GUCY1A2: variants seen among roughly 807,000 people sequenced by gnomAD.
GUCY1A2 encodes guanylate cyclase soluble subunit alpha-2.
GUCY1A2 carries 27 observed loss-of-function variants against 63.5 expected under a neutral mutation model. The observed-to-expected ratio is 0.43, with a 90% CI of 0.31 to 0.59. The LOEUF (loss-of-function observed/expected upper bound fraction) is 0.59. GUCY1A2 is among the 20% of genes least tolerant of loss of function. The pLI is 0.11. For synonymous variants in GUCY1A2, 364 were observed against 343.5 expected, an observed-to-expected ratio of 1.06 and a Z score of -0.66; for missense variants, 768 against 913.3, an observed-to-expected ratio of 0.84 and a Z score of 2.05.
At chr11:106,889,224 CAGA>C (rs997305359) in intron 4 of GUCY1A2, among the ~76,000 whole-genome samples, 3 of 152,170 alleles carry the variant, frequency 2.0e-5, no homozygotes, top group African/African-American at 4.8e-5. Context: ...TATACATTCT[CAGA>C]AGTTTAGACA....
chr11:106,882,324 C>T (rs1859835482), intron 4 of GUCY1A2, among the ~76,000 whole-genome samples: 1 of 151,912 alleles, frequency 6.6e-6, no homozygotes, highest in South Asian at 2.1e-4. Context: ...TTACATTATG[C>T]AAAATGGAAT....
chr11:106,860,178 A>G (rs1477906467), intron 4 of GUCY1A2, among the ~76,000 whole-genome samples: 1 of 152,000 alleles, frequency 6.6e-6, no homozygotes, highest in Non-Finnish European at 1.5e-5. Context: ...ATATTGGGTT[A>G]AAAAGAGCTA....
At chr11:106,824,524 T>C (rs1858941718) in intron 4 of GUCY1A2, among the ~76,000 whole-genome samples, 1 of 151,962 alleles carries the variant, frequency 6.6e-6, no homozygotes, top group Non-Finnish European at 1.5e-5. Context: ...GAAACCACTG[T>C]TTTAAACCAA....
At chr11:106,836,114 T>C (rs1859113657) in intron 4 of GUCY1A2, among the ~76,000 whole-genome samples, 1 of 151,854 alleles carries the variant, frequency 6.6e-6, no homozygotes, top group African/African-American at 2.4e-5. Context: ...AGTAAATTAT[T>C]AAGAATGAAA....
At chr11:106,934,736 G>A (rs1410248556) in intron 4 of GUCY1A2, among the ~76,000 whole-genome samples, 1 of 152,166 alleles carries the variant, frequency 6.6e-6, no homozygotes, top group African/African-American at 2.4e-5. Flanking sequence ...GAGAACAAAA[G>A]TGAAGATGAA....
intron 4 of GUCY1A2, among the ~76,000 whole-genome samples, chr11:106,855,161 C>T (rs1859411680): frequency 6.6e-6 from 1 of 152,024 alleles, no homozygotes; most frequent in Non-Finnish European, 1.5e-5. Context: ...TGTGAGTTCC[C>T]TCTCTGCAAC....
chr11:106,920,856 A>T (rs1210265452), intron 4 of GUCY1A2, among the ~76,000 whole-genome samples: 2 of 152,108 alleles, frequency 1.3e-5, no homozygotes, highest in Non-Finnish European at 2.9e-5. Flanking sequence ...AACTGTCCTT[A>T]TAATAATTAC....
chr11:106,945,387 AAAAC>A (rs1452543956), intron 3 of GUCY1A2, among the ~76,000 whole-genome samples: 1 of 28,826 alleles, frequency 3.5e-5, no homozygotes, highest in Non-Finnish European at 6.4e-5. Context: ...AAAAAAAACA[AAAAC>A]AAAAAAAACA....
chr11:106,706,629 A>C, intron 7 of GUCY1A2, among the ~76,000 whole-genome samples: 1 of 149,748 alleles, frequency 6.7e-6, no homozygotes, highest in Non-Finnish European at 1.5e-5. Context: ...AACTCCTCAC[A>C]CAGGTTGGGC....
Position 106,687,760 on chromosome 11 carries a change from AG to A in GUCY1A2, c.1992-5del. 1.3e-6 allele frequency: 2 copies of A among 1,589,786 alleles called. No individual in the cohort carries two copies. Among genetic ancestry groups the A allele is most frequent in the Non-Finnish European group, 1.7e-6 (2 of 1,157,932 alleles). On this transcript the variant is annotated splice_polypyrimidine_tract_variant and splice_region_variant and intron_variant, in intron 7 of 7. Transcript: ENST00000526355. ...ACTTTCTTCTCGTTTTAATAATCTA[AG>A]AAGAAAATACAGAGCACATGAATCA...
At chr11:106,841,177 C>G (rs892690780) in intron 4 of GUCY1A2, among the ~76,000 whole-genome samples, 17 of 151,724 alleles carry the variant, frequency 1.1e-4, no homozygotes, top group East Asian at 1.9e-4. Flanking sequence ...TCTACTAGTA[C>G]GCCCCTGCAA....
intron 4 of GUCY1A2, among the ~76,000 whole-genome samples, chr11:106,885,597 T>C (rs1352730125): frequency 2.0e-5 from 3 of 152,182 alleles, no homozygotes; most frequent in African/African-American, 7.2e-5. Context: ...AACCCTAAAG[T>C]AGGGGTCAGT....
At chr11:106,693,053 A>G (rs946237183) in intron 7 of GUCY1A2, among the ~76,000 whole-genome samples, 1 of 152,224 alleles carries the variant, frequency 6.6e-6, no homozygotes, top group South Asian at 2.1e-4. Context: ...TAAGAGAGTG[A>G]CATTCTCAGA....
At chr11:106,878,164 T>TTATGAAGAA (rs1591311399) in intron 4 of GUCY1A2, among the ~76,000 whole-genome samples, 1 of 152,060 alleles carries the variant, frequency 6.6e-6, no homozygotes, top group East Asian at 1.9e-4. Flanking sequence ...ATAAAAGCAC[T>TTATGAAGAA]TATACACTGT....
intron 4 of GUCY1A2, among the ~76,000 whole-genome samples, chr11:106,867,297 G>T (rs141474484): frequency 6.6e-6 from 1 of 152,048 alleles, no homozygotes; most frequent in African/African-American, 2.4e-5. Flanking sequence ...TCAGCCTGCT[G>T]TCACAATCTC....
At chr11:106,947,172 G>A (rs1298760261) in intron 3 of GUCY1A2, among the ~76,000 whole-genome samples, 1 of 149,592 alleles carries the variant, frequency 6.7e-6, no homozygotes, top group Non-Finnish European at 1.5e-5. Flanking sequence ...AGCCAAGATC[G>A]CACCATTGCA....
At chr11:107,002,064 T>C (rs1231738237) in intron 1 of GUCY1A2, among the ~76,000 whole-genome samples, 2 of 151,538 alleles carry the variant, frequency 1.3e-5, no homozygotes, top group South Asian at 2.1e-4. Context: ...GCCAGGCATA[T>C]TGTAGTCATA....
intron 5 of GUCY1A2, among the ~76,000 whole-genome samples, chr11:106,800,517 A>T (rs142890633): frequency 0.032 from 4,839 of 152,296 alleles, 256 homozygotes; most frequent in African/African-American, 0.11. Flanking sequence ...GACTGGATTA[A>T]GAAAATGTGA....
rs142254338 is a variant in GUCY1A2 at position 106,907,917 on chromosome 11, C to G, written c.1206+31543G>C. Among the ~76,000 whole-genome samples, 527 of 152,130 alleles carry G rather than the reference C, an allele frequency of 3.5e-3. 5 individuals carry two copies. The highest frequency in any genetic ancestry group is 0.012 in the African/African-American group (491 of 41,500). On this transcript the variant is annotated intron_variant, in intron 4 of 7. Coordinates refer to ENST00000526355, the MANE Select transcript of GUCY1A2 (RefSeq NM_000855.3). ...TTATCTTTATGCATGTAAGTTTATC[C>G]ACACAATCTCAAGAAGATATAAATA...
Sources: gnomAD v4.1 joint callset for allele counts (sites outside exome capture counted in the v4.1 genomes callset) on GRCh38, gnomAD v4.1.1 for gene constraint, MANE v1.5 for transcripts, NCBI Gene and HGNC (gene_info 2026-07-23, HGNC 2026-07-21) for gene names.